MYCBP2: variants seen among roughly 807,000 people sequenced by gnomAD.
MYCBP2 encodes the protein E3 ubiquitin-protein ligase MYCBP2.
MYCBP2 carries 120 observed loss-of-function variants against 525.3 expected under a neutral mutation model. That is an observed-to-expected ratio of 0.23 (90% CI 0.20 to 0.27). The LOEUF is 0.27. Among genes scored for constraint, MYCBP2 ranks in the 10% least tolerant of loss-of-function variants. The pLI is 1.00. For missense variants in MYCBP2, 4,149 were observed against 5,657.1 expected (o/e 0.73, Z 8.55); for synonymous variants, 1,894 against 1,955.8 (o/e 0.97, Z 0.83).
rs560822074 is a variant in MYCBP2, at chr13:77,171,979, C to T, written c.5652-345G>A. 6.6e-5 allele frequency among the ~76,000 whole-genome samples: 10 copies of T among 152,304 alleles called. No homozygotes were observed. The South Asian group carries it at 2.1e-3, about 32-fold the overall frequency. On this transcript the variant is annotated intron_variant, in intron 37 of 82. Coordinates refer to ENST00000544440, the MANE Select transcript of MYCBP2 (RefSeq NM_015057.5). Reference sequence around the variant, plus strand: ...GCAGTGGCATGATCTCGGCTCACTGCAACCTCCGCCTCCCAGGTTCAAGCG... The same window carrying T: ...GCAGTGGCATGATCTCGGCTCACTGTAACCTCCGCCTCCCAGGTTCAAGCG...
rs111972013 is a variant in MYCBP2 at position 77,070,334 on chromosome 13, C to G, written c.11904+297G>C. ...GCTCATCCAACCTGCAGCCGGGGGA[C>G]TGCCTGTGGCCCAGGATGGCTTTGA... On this transcript the variant is annotated intron_variant, in intron 69 of 82. Transcript: ENST00000544440. 2.0e-3 allele frequency among the ~76,000 whole-genome samples: 310 copies of G among 152,304 alleles called. 2 individuals are homozygous for G. Among genetic ancestry groups the G allele is most frequent in the African/African-American group, 5.4e-3 (226 of 41,560 alleles).
At chr13:77,264,276 A>C (rs2073764518) in intron 8 of MYCBP2, among the ~76,000 whole-genome samples, 1 of 152,014 alleles carries the variant, frequency 6.6e-6, no homozygotes. Flanking sequence ...ATAGTCTGAC[A>C]GTAAACATGC....
intron 11 of MYCBP2, 122 bp downstream of exon 11, chr13:77,261,931 T>C: frequency 1.3e-6 from 1 of 757,672 alleles, no homozygotes; most frequent in Non-Finnish European, 2.0e-6. Flanking sequence ...AAAATAATTT[T>C]AAATCAAAAT....
intron 20 of MYCBP2, among the ~76,000 whole-genome samples, chr13:77,219,505 A>G (rs17067313): frequency 0.061 from 9,279 of 151,822 alleles, 477 homozygotes; most frequent in East Asian, 0.17. Context: ...TTAAAAGGTG[A>G]CTCAAAATAA....
Position 77,125,341 on chromosome 13 carries a change from T to G in MYCBP2, c.8012A>C (p.Glu2671Ala). The G allele has an allele frequency of 6.2e-7, 1 of 1,613,348 alleles. No homozygotes were observed. Among genetic ancestry groups the G allele is most frequent in the Non-Finnish European group, 8.5e-7 (1 of 1,179,626 alleles). Residue 2671 changes from glutamate (E) to alanine (A), a missense_variant, in exon 54 of 83, where the codon GAA becomes GCA. Physicochemically the swap from Glu to Ala is moderately radical, Grantham distance 107 (BLOSUM62 -1). Coordinates refer to ENST00000544440, the MANE Select transcript of MYCBP2 (RefSeq NM_015057.5). ...DRGGNQYLRH[E>A]DEQALLDQNS... ...ACAAATTTAAGCCAACTTGCCATCT[T>G]CATGTCGGAGGTACTGGTTTCCGCC...
At chr13:77,180,057 T>A in intron 34 of MYCBP2, 70 bp downstream of exon 34, 3 of 1,304,418 alleles carry the variant, frequency 2.3e-6, no homozygotes, top group Non-Finnish European at 3.2e-6. Flanking sequence ...GCCAAAATAG[T>A]TGAAAAAAGA....
Position 77,191,802 on chromosome 13 carries a change from G to C in MYCBP2, c.3947C>G (p.Ala1316Gly), listed in dbSNP as rs2061321964. The change falls in exon 28 of 83, where the codon GCA becomes GGA. Residue 1316 changes from alanine (A) to glycine (G), a missense_variant. Around this residue, in one of 21 missense-constraint regions of MYCBP2, gnomAD observed 620 missense variants for 795.5 expected, o/e 0.78. Coordinates refer to ENST00000544440, the MANE Select transcript of MYCBP2 (RefSeq NM_015057.5). ...GAGAACAGGCTCATCAAACATCATT[G>C]CATATTTTTCTCTGAGAAAAAATTA... ...AYDCAAREKY[A>G]MMFDEPVLLQ... 11 of 1,613,488 alleles carry C rather than the reference G, an allele frequency of 6.8e-6. No individual in the cohort carries two copies. Among genetic ancestry groups the C allele is most frequent in the African/African-American group, 1.3e-5 (1 of 74,842 alleles).
intron 79 of MYCBP2, among the ~76,000 whole-genome samples, chr13:77,056,103 T>TGG (rs1566301745): frequency 3.0e-5 from 2 of 66,628 alleles, no homozygotes; most frequent in Non-Finnish European, 6.6e-5. Flanking sequence ...GTGTTTGGTG[T>TGG]GTGTGTGTGT....
In MYCBP2 at chr13:77,194,224, A is replaced by G. The variant is rs748524324; in HGVS notation, c.3864T>C (p.Asp1288=). The part of the protein sequence containing the change: ...AKIKLFELGP[D]GGDHETDGDL... ...CACCATCAGTTTCATGATCTCCTCCATCAGGACCCAATTCAAACAGCTAAG... is the reference window on the plus strand; with the variant it reads ...CACCATCAGTTTCATGATCTCCTCCGTCAGGACCCAATTCAAACAGCTAAG... Residue 1288 remains aspartate (D), a synonymous_variant, in exon 27 of 83, where the codon GAT becomes GAC. Transcript: ENST00000544440. The G allele has an allele frequency of 2.5e-6, 4 of 1,613,266 alleles. No homozygotes were observed. The South Asian group carries it at 4.4e-5, about 18-fold the overall frequency.
At chr13:77,268,643 G>T (rs2074424890) in intron 7 of MYCBP2, among the ~76,000 whole-genome samples, 1 of 152,052 alleles carries the variant, frequency 6.6e-6, no homozygotes, top group Non-Finnish European at 1.5e-5. Context: ...GCTGGACGTG[G>T]TGGTGGGCAC....
At chr13:77,068,112 G>T (rs1468139522) in intron 70 of MYCBP2, among the ~76,000 whole-genome samples, 2 of 151,980 alleles carry the variant, frequency 1.3e-5, no homozygotes, top group African/African-American at 4.8e-5. Flanking sequence ...ATTTTTTAAT[G>T]TACCTAACTA....
At chr13:77,155,485 T>C (rs2057097100) in intron 46 of MYCBP2, among the ~76,000 whole-genome samples, 1 of 152,116 alleles carries the variant, frequency 6.6e-6, no homozygotes, top group Non-Finnish European at 1.5e-5. Context: ...TATTAACAGA[T>C]TAAATCACAA....
At chr13:77,224,563 C>CTTCTGT (rs779752689) in intron 19 of MYCBP2, 31 bp from the exon 20 acceptor site, 1 of 1,302,794 alleles carries the variant, frequency 7.7e-7, no homozygotes, top group East Asian at 2.3e-5. Context: ...TTTATTTTTT[C>CTTCTGT]ATTATATGCA....
At chr13:77,108,439 T>TAA in intron 55 of MYCBP2, among the ~76,000 whole-genome samples, 1 of 152,190 alleles carries the variant, frequency 6.6e-6, no homozygotes, top group South Asian at 2.1e-4. Context: ...CAGGTATTGC[T>TAA]TCCCGAGCAT....
chr13:77,051,687 C>T (rs2036852242), intron 81 of MYCBP2, 124 bp downstream of exon 81: 1 of 644,126 alleles, frequency 1.6e-6, no homozygotes, highest in African/African-American at 1.8e-5. Context: ...TTATACAACA[C>T]TGAACAAATA....
chr13:77,172,860 G>A lies in MYCBP2; in HGVS notation c.5652-1226C>T, dbSNP rs567404415. On this transcript the variant is annotated intron_variant, in intron 37 of 82. Coordinates refer to ENST00000544440, the MANE Select transcript of MYCBP2 (RefSeq NM_015057.5). ...TGTATCACCTGAAATCTGACTTCCT[G>A]CCTACAAGTCGCAGTAGCGTAACTT... Among the ~76,000 whole-genome samples, 10 of 152,334 alleles carry A rather than the reference G, an allele frequency of 6.6e-5. No individual in the cohort carries two copies. In the East Asian group the frequency reaches 1.9e-3, roughly 29 times the overall value.
rs963029258 is a variant in MYCBP2, at chr13:77,326,686, G to A, written c.90C>T (p.Ser30=). 4.1e-5 allele frequency: 59 copies of A among 1,450,512 alleles called. No individual in the cohort carries two copies. The highest frequency in any genetic ancestry group is 8.9e-5 in the Admixed American group (3 of 33,654). The allele number at this position is 1,450,512 out of a possible 1,614,324, so 89.9% of individuals were successfully genotyped here. The change falls in exon 1 of 83, where the codon TCC becomes TCT. Residue 30 remains serine (S), a synonymous_variant. Transcript: ENST00000544440. This position sits in a 1 kb window ranked among gnomAD's most constrained non-coding sequence, Gnocchi z 4.2. Reference sequence around the variant, plus strand: ...TGAACAGCGCCCCCGGCGCCGGGGAGGAAGAGAAGGTGGCGGCTGGGTAGA... The same window carrying A: ...TGAACAGCGCCCCCGGCGCCGGGGAAGAAGAGAAGGTGGCGGCTGGGTAGA... ...DGFYPAATFS[S]SPAPGALFMP...
chr13:77,208,884 ATGT>A (rs1045816436), intron 23 of MYCBP2, among the ~76,000 whole-genome samples: 1 of 152,206 alleles, frequency 6.6e-6, no homozygotes, highest in African/African-American at 2.4e-5. Context: ...CTCTTTATAG[ATGT>A]TGTTTCTAAT....
intron 46 of MYCBP2, among the ~76,000 whole-genome samples, chr13:77,152,545 C>G (rs543400930): frequency 2.5e-4 from 38 of 152,298 alleles, no homozygotes; most frequent in Non-Finnish European, 3.2e-4. Flanking sequence ...GCCCTGCCCC[C>G]CTACCCTATG....
Sources: allele counts gnomAD v4.1 joint callset (sites outside exome capture counted in the v4.1 genomes callset), GRCh38; gene constraint gnomAD v4.1.1; regional missense constraint gnomAD v4.1.1; non-coding constraint Gnocchi (gnomAD v3.1); transcripts MANE v1.5; gene names NCBI Gene and HGNC (gene_info 2026-07-23, HGNC 2026-07-21).